Variants in AFAP1 observed in about 807,000 individuals in gnomAD.
AFAP1 encodes actin filament associated protein 1, also known as actin filament-associated protein 1.
In AFAP1, 75 loss-of-function variants were observed where a neutral mutation model predicts 93.9. The observed-to-expected ratio is 0.80, with a 90% CI of 0.66 to 0.97. AFAP1 has a LOEUF of 0.97. AFAP1 is among the 50% of genes least tolerant of loss of function. The pLI, the probability that AFAP1 is intolerant of heterozygous loss-of-function variation, is 0.00. For missense variants in AFAP1, 1,201 were observed against 1,050.8 expected (o/e 1.14, Z -1.98); for synonymous variants, 517 against 430.7 (o/e 1.20, Z -2.48).
chr4:7,907,002 C>CAA (rs11288651), intron 1 of AFAP1, among the ~76,000 whole-genome samples: 1 of 127,822 alleles, frequency 7.8e-6, no homozygotes, highest in South Asian at 2.5e-4. Context: ...AACTCCACCT[C>CAA]AAAAAAAAAA....
intron 1 of AFAP1, among the ~76,000 whole-genome samples, chr4:7,873,242 C>CAAAA (rs1195209480): frequency 3.3e-4 from 21 of 64,126 alleles, no homozygotes; most frequent in East Asian, 1.5e-3. Flanking sequence ...GACTCTGTCT[C>CAAAA]AAAAAAAAAA....
chr4:7,838,121 G>A (rs1213545583), intron 6 of AFAP1, among the ~76,000 whole-genome samples: 2 of 152,254 alleles, frequency 1.3e-5, no homozygotes, highest in South Asian at 2.1e-4. Flanking sequence ...AGGAGAAATG[G>A]GGAAAAGCTG....
intron 3 of AFAP1, among the ~76,000 whole-genome samples, chr4:7,862,483 G>A (rs527663813): frequency 6.6e-6 from 1 of 152,068 alleles, no homozygotes; most frequent in South Asian, 2.1e-4. Context: ...ATAAAGTATG[G>A]AGCTGGATGG....
In AFAP1 at chr4:7,903,323, C is replaced by A. The variant is rs555144513; in HGVS notation, c.-2-31243G>T. On this transcript the variant is annotated intron_variant, in intron 1 of 17. Coordinates refer to ENST00000420658, the MANE Select transcript of AFAP1 (RefSeq NM_001134647.2). ...AATCAATGCTGTAGAAGAAAATACACCAGGAAACTGGAAAGAAGAATACCC... is the reference window on the plus strand; with the variant it reads ...AATCAATGCTGTAGAAGAAAATACAACAGGAAACTGGAAAGAAGAATACCC... Among the ~76,000 whole-genome samples the A allele has an allele frequency of 3.3e-5, 5 of 152,288 alleles. No individual in the cohort carries two copies. In the South Asian group the frequency reaches 1.0e-3, roughly 32 times the overall value.
chr4:7,771,337 CAT>C (rs1238413254), intron 16 of AFAP1, among the ~76,000 whole-genome samples: 3 of 152,140 alleles, frequency 2.0e-5, no homozygotes, highest in South Asian at 2.1e-4. Flanking sequence ...ACAGCATATG[CAT>C]ATGTGTGTAT....
intron 17 of AFAP1, among the ~76,000 whole-genome samples, chr4:7,765,770 C>G (rs1714468664): frequency 6.6e-6 from 1 of 152,216 alleles, no homozygotes; most frequent in African/African-American, 2.4e-5. Context: ...TTCTGTGCCT[C>G]AGCCACTGAG....
chr4:7,791,846 A>AC (rs921041813), intron 11 of AFAP1, among the ~76,000 whole-genome samples: 4 of 146,924 alleles, frequency 2.7e-5, no homozygotes, highest in African/African-American at 1.0e-4. Flanking sequence ...CTTAATCAAA[A>AC]AAAAACAAAA....
In AFAP1 at chr4:7,759,263, T is replaced by C. The variant is rs1417356406; in HGVS notation, c.*4502A>G. ...GATGTCCTTTTGAAAGTATCTTCCA[T>C]GGCTACACTAAAAAGACCCGGTAAC... is the stretch of plus-strand genomic sequence containing the variant. On this transcript the variant is annotated 3_prime_UTR_variant, in exon 18 of 18. Transcript: ENST00000420658. The C allele has an allele frequency of 5.9e-5, 9 of 152,770 alleles. No homozygotes were observed. Among genetic ancestry groups the C allele is most frequent in the Middle Eastern group, 3.4e-3 (1 of 294 alleles). The allele number at this position is 152,770 out of a possible 1,614,324, so 9.5% of individuals were successfully genotyped here. A position where few individuals can be genotyped will look rare whatever the true frequency, so the allele number is the denominator to read the frequency against.
Position 7,763,953 on chromosome 4 carries a change from T to TTCACCTATCAGAATG in AFAP1, c.2419-177_2419-163dup, listed in dbSNP as rs1184009634. On this transcript the variant is annotated intron_variant, in intron 17 of 17. Coordinates refer to ENST00000420658, the MANE Select transcript of AFAP1 (RefSeq NM_001134647.2). ...GACCCGGCAATTCCACTGCTAGGTA[T>TTCACCTATCAGAATG]TCACCTATCAGAATGGAGAGCATGG... Among the ~76,000 whole-genome samples the TTCACCTATCAGAATG allele has an allele frequency of 4.0e-5, 6 of 151,056 alleles. No individual in the cohort carries two copies. In the East Asian group the frequency reaches 1.2e-3, roughly 29 times the overall value.
chr4:7,793,556 G>T (rs1388501770), intron 11 of AFAP1, 125 bp downstream of exon 11: 4 of 1,132,728 alleles, frequency 3.5e-6, no homozygotes, highest in Non-Finnish European at 4.6e-6. Context: ...TTAAGATAAT[G>T]CAAAAGGGAA....
intron 17 of AFAP1, among the ~76,000 whole-genome samples, chr4:7,764,563 GTTTA>G (rs1714285545): frequency 6.6e-6 from 1 of 152,148 alleles, no homozygotes; most frequent in Non-Finnish European, 1.5e-5. Context: ...TTTACATCGT[GTTTA>G]TTTTACTCTA....
At chr4:7,888,842 G>A (rs1718275484) in intron 1 of AFAP1, among the ~76,000 whole-genome samples, 1 of 152,086 alleles carries the variant, frequency 6.6e-6, no homozygotes, top group Non-Finnish European at 1.5e-5. Context: ...TCAGGCTGGA[G>A]TGCAGTGGCA....
chr4:7,810,436 G>T (rs1324733115), intron 8 of AFAP1, among the ~76,000 whole-genome samples: 6 of 152,208 alleles, frequency 3.9e-5, no homozygotes, highest in African/African-American at 1.4e-4. Context: ...GCTGAAAGCA[G>T]CCCCAAGTGT....
At chr4:7,839,852 T>C (rs1183109613) in intron 5 of AFAP1, among the ~76,000 whole-genome samples, 1 of 152,236 alleles carries the variant, frequency 6.6e-6, no homozygotes, top group African/African-American at 2.4e-5. Context: ...CTACTACTAA[T>C]TTATCTGCAT....
chr4:7,804,756 G>T (rs183996018), intron 9 of AFAP1, among the ~76,000 whole-genome samples: 1 of 152,170 alleles, frequency 6.6e-6, no homozygotes, highest in South Asian at 2.1e-4. Flanking sequence ...GTTACATGTG[G>T]CCAAAACGTT....
rs1717796009 is a variant in AFAP1, at chr4:7,880,811, G to C, written c.-2-8731C>G. Among the ~76,000 whole-genome samples the C allele has an allele frequency of 2.0e-5, 3 of 152,194 alleles. No individual in the cohort carries two copies. The South Asian group carries it at 6.2e-4, about 32-fold the overall frequency. ...CAAACCTGAGAAAGAAATGTCTACT[G>C]TTACTGGCTCTGAGAAAACACTATG... On this transcript the variant is annotated intron_variant, in intron 1 of 17. Coordinates refer to ENST00000420658, the MANE Select transcript of AFAP1 (RefSeq NM_001134647.2).
intron 3 of AFAP1, among the ~76,000 whole-genome samples, chr4:7,858,089 C>T (rs1415841034): frequency 4.6e-5 from 7 of 152,208 alleles, no homozygotes; most frequent in Non-Finnish European, 1.0e-4. Flanking sequence ...GCTACATCCA[C>T]AGACAAACAT....
intron 1 of AFAP1, among the ~76,000 whole-genome samples, chr4:7,921,181 C>CTTTTT (rs34764139): frequency 0.095 from 9,049 of 94,942 alleles, 1,289 homozygotes; most frequent in East Asian, 0.44. Context: ...GAGAGCAAAA[C>CTTTTT]TTTTTTTTTT....
intron 1 of AFAP1, among the ~76,000 whole-genome samples, chr4:7,901,959 A>G (rs1222875913): frequency 6.6e-6 from 1 of 152,218 alleles, no homozygotes; most frequent in Admixed American, 6.5e-5. Flanking sequence ...TTGCATCAAC[A>G]ACACACACAA....
Sources: allele counts gnomAD v4.1 joint callset (sites outside exome capture counted in the v4.1 genomes callset), GRCh38; gene constraint gnomAD v4.1.1; transcripts MANE v1.5; gene names NCBI Gene and HGNC (gene_info 2026-07-23, HGNC 2026-07-21).